IL1RAPL2: variants seen among roughly 807,000 people sequenced by gnomAD.
IL1RAPL2 encodes interleukin 1 receptor accessory protein like 2.
IL1RAPL2 carries 3 observed loss-of-function variants against 44.1 expected under a neutral mutation model. The observed-to-expected ratio is 0.07, with a 90% CI of 0.03 to 0.18. The LOEUF (loss-of-function observed/expected upper bound fraction) is 0.18, where lower values mean the gene tolerates loss of function less well. IL1RAPL2 is among the 10% of genes least tolerant of loss of function. The probability of loss-of-function intolerance (pLI) is 1.00; values close to 1 mark genes in which losing one functional copy is unlikely to be tolerated. For synonymous variants in IL1RAPL2, 181 were observed against 178.8 expected, an observed-to-expected ratio of 1.01 and a Z score of -0.10; for missense variants, 391 against 496.4, an observed-to-expected ratio of 0.79 and a Z score of 2.02.
chrX:105,232,823 A>G (rs1239835288), intron 3 of IL1RAPL2, among the ~76,000 whole-genome samples: 1 of 112,385 alleles, frequency 8.9e-6, no homozygotes, highest in Non-Finnish European at 1.9e-5. Context: ...GTGTTAGCCA[A>G]TTAATGCCCA....
At chrX:105,237,029 T>C (rs145751526) in intron 4 of IL1RAPL2, among the ~76,000 whole-genome samples, 269 of 110,932 alleles carry the variant, frequency 2.4e-3, no homozygotes, top group Non-Finnish European at 4.1e-3. Flanking sequence ...CAGTGTGTGA[T>C]GTCCACCTTC....
intron 2 of IL1RAPL2, among the ~76,000 whole-genome samples, chrX:104,786,503 C>G (rs1319583676): frequency 3.6e-5 from 4 of 111,937 alleles, no homozygotes; most frequent in Non-Finnish European, 7.5e-5. Context: ...AAGGTGGAAA[C>G]TCAGGCTCTG....
At chrX:104,579,265 T>C (rs1465664181) in intron 1 of IL1RAPL2, among the ~76,000 whole-genome samples, 1 of 111,602 alleles carries the variant, frequency 9.0e-6, no homozygotes, top group Non-Finnish European at 1.9e-5. Flanking sequence ...CAAAGAAATA[T>C]AAATCACTCT....
rs202138780 is a variant in IL1RAPL2, at chrX:104,582,578, T to TTTTCTTTC, written c.-20+15539_-20+15546dup. 1.2e-3 allele frequency among the ~76,000 whole-genome samples: 73 copies of TTTTCTTTC among 59,840 alleles called. No homozygotes were observed. In the East Asian group the frequency reaches 0.015, roughly 12 times the overall value. 52.0% of individuals were successfully genotyped at this position (59,840 alleles called of 115,157 possible). A position where few individuals can be genotyped will look rare whatever the true frequency, so the allele number is the denominator to read the frequency against. ...TTCCTCCTTTCTCCTCTTTCTTTCTTTTTCTTTCTTTCTTTCTTTTTCTTT... is the reference window on the plus strand; with the variant it reads ...TTCCTCCTTTCTCCTCTTTCTTTCTTTTTCTTTCTTTCTTTCTTTCTTTCTTTTTCTTT... On this transcript the variant is annotated intron_variant, in intron 1 of 10. Transcript: ENST00000372582.
intron 2 of IL1RAPL2, among the ~76,000 whole-genome samples, chrX:104,940,539 T>G (rs761264571): frequency 1.4e-4 from 16 of 111,164 alleles, no homozygotes; most frequent in Non-Finnish European, 2.6e-4. Context: ...GATTTTGTTG[T>G]GAATGTTAAG....
At chrX:105,564,253 C>T (rs756945700) in intron 6 of IL1RAPL2, among the ~76,000 whole-genome samples, 1 of 111,519 alleles carries the variant, frequency 9.0e-6, no homozygotes, top group Admixed American at 9.6e-5. Flanking sequence ...GGTACATAAA[C>T]ATTTAGACCA....
chrX:105,690,759 T>TA lies in IL1RAPL2; in HGVS notation c.773-26606dup, dbSNP rs1453972092. ...TAACCATCTCTATAAGCGAATCCTC[T>TA]AAGATACTTTATATTCTAATTTATT... On this transcript the variant is annotated intron_variant, in intron 6 of 10. Coordinates refer to ENST00000372582, the MANE Select transcript of IL1RAPL2 (RefSeq NM_017416.2). Among the ~76,000 whole-genome samples, 3 of 112,057 alleles carry TA rather than the reference T, an allele frequency of 2.7e-5. No individual in the cohort carries two copies. In the Admixed American group the frequency reaches 2.9e-4, roughly 11 times the overall value.
intron 9 of IL1RAPL2, among the ~76,000 whole-genome samples, chrX:105,751,505 C>G (rs1474694426): frequency 9.0e-6 from 1 of 111,218 alleles, no homozygotes; most frequent in East Asian, 2.8e-4. Flanking sequence ...TATAATTTTT[C>G]AGGAATTAAA....
At chrX:105,309,810 T>A (rs2034782611) in intron 5 of IL1RAPL2, among the ~76,000 whole-genome samples, 1 of 111,882 alleles carries the variant, frequency 8.9e-6, no homozygotes, top group African/African-American at 3.2e-5. Context: ...AAATATACAT[T>A]CTAGGTAAAA....
chrX:105,684,484 C>T (rs1420179090), intron 6 of IL1RAPL2, among the ~76,000 whole-genome samples: 7 of 112,411 alleles, frequency 6.2e-5, no homozygotes, highest in Admixed American at 4.7e-4. Flanking sequence ...CGGGGAGGGG[C>T]GTCTGCCGTT....
intron 6 of IL1RAPL2, among the ~76,000 whole-genome samples, chrX:105,576,580 G>A: frequency 9.0e-6 from 1 of 111,005 alleles, no homozygotes; most frequent in East Asian, 2.8e-4. Flanking sequence ...AGAACGCTTT[G>A]CCCAGTCATT....
intron 2 of IL1RAPL2, among the ~76,000 whole-genome samples, chrX:104,887,067 T>C (rs893822787): frequency 4.4e-5 from 5 of 112,584 alleles, no homozygotes; most frequent in Non-Finnish European, 9.4e-5. Context: ...CAGCAAGGAA[T>C]GAATACAGCC....
intron 5 of IL1RAPL2, among the ~76,000 whole-genome samples, chrX:105,278,219 A>G (rs1188093977): frequency 9.0e-6 from 1 of 111,724 alleles, no homozygotes; most frequent in Non-Finnish European, 1.9e-5. Context: ...AAGTTAGAGC[A>G]CATGACAGCA....
rs769183639 is a variant in IL1RAPL2 at position 105,032,246 on chromosome X, A to G, written c.83-163229A>G. Among the ~76,000 whole-genome samples the G allele has an allele frequency of 1.4e-3, 155 of 108,196 alleles. 1 individual carries two copies. The highest frequency in any genetic ancestry group is 4.9e-3 in the African/African-American group (146 of 29,563). 94.0% of individuals were successfully genotyped at this position (108,196 alleles called of 115,157 possible). A position where few individuals can be genotyped will look rare whatever the true frequency, so the allele number is the denominator to read the frequency against. Reference sequence around the variant, plus strand: ...TTTCCTTCAGTTCTGCTCTGATTTTAGTTATTTCTTGCCTTCTGCTAGCTT... The same window carrying G: ...TTTCCTTCAGTTCTGCTCTGATTTTGGTTATTTCTTGCCTTCTGCTAGCTT... On this transcript the variant is annotated intron_variant, in intron 2 of 10. Coordinates refer to ENST00000372582, the MANE Select transcript of IL1RAPL2 (RefSeq NM_017416.2).
In IL1RAPL2 at chrX:105,447,350, T is replaced by A. The variant is rs1415916822; in HGVS notation, c.698-36963T>A. On this transcript the variant is annotated intron_variant, in intron 5 of 10. Transcript: ENST00000372582. ...ATATATAAAAATATAAATATATAAA[T>A]ATATAAATATATAAATATAAATATA... 1.4e-4 allele frequency among the ~76,000 whole-genome samples: 9 copies of A among 65,038 alleles called. No individual in the cohort carries two copies. In the East Asian group the frequency reaches 2.0e-3, roughly 15 times the overall value. 56.5% of individuals were successfully genotyped at this position (65,038 alleles called of 115,157 possible). A position where few individuals can be genotyped will look rare whatever the true frequency, so the allele number is the denominator to read the frequency against.
chrX:104,972,573 C>T (rs1288227936), intron 2 of IL1RAPL2, among the ~76,000 whole-genome samples: 2 of 111,496 alleles, frequency 1.8e-5, no homozygotes, highest in East Asian at 2.8e-4. Context: ...GTTGATAAAT[C>T]CAGCAACCAT....
chrX:105,599,190 G>A (rs939431044), intron 6 of IL1RAPL2, among the ~76,000 whole-genome samples: 2 of 111,799 alleles, frequency 1.8e-5, no homozygotes, highest in Non-Finnish European at 3.8e-5. Context: ...CAGATAGTGA[G>A]CAATGCAAAG....
chrX:105,025,221 A>C (rs5963022), intron 2 of IL1RAPL2, among the ~76,000 whole-genome samples: 1,929 of 111,572 alleles, frequency 0.017, 36 homozygotes, highest in African/African-American at 0.06. Context: ...TTATTATCAC[A>C]GGAGAAAGCT....
At position 105,508,746 on chromosome X, in the gene IL1RAPL2, G is replaced by A. The variant is rs186790757; in HGVS notation, c.772+24359G>A. Among the ~76,000 whole-genome samples the A allele has an allele frequency of 1.0e-4, 11 of 110,368 alleles. No individual in the cohort carries two copies. In the East Asian group the frequency reaches 3.2e-3, roughly 32 times the overall value. On this transcript the variant is annotated intron_variant, in intron 6 of 10. Transcript: ENST00000372582. ...TTCCTCTCTATGTTCAACACTGGGA[G>A]CCTTATGCATTGATCAAGCATTGAC... is the stretch of plus-strand genomic sequence containing the variant.
Sources: gnomAD v4.1 joint callset for allele counts (sites outside exome capture counted in the v4.1 genomes callset) on GRCh38, gnomAD v4.1.1 for gene constraint, MANE v1.5 for transcripts, NCBI Gene and HGNC (gene_info 2026-07-23, HGNC 2026-07-21) for gene names.